The following WWOX variants were observed in gnomAD, a reference collection of about 807,000 sequenced individuals.
The protein encoded by WWOX is WW domain-containing oxidoreductase.
In WWOX, 69 loss-of-function variants were observed where a neutral mutation model predicts 46.2. The ratio of observed to expected loss-of-function variants is 1.49; its 90% CI spans 1.23 to 1.82. The LOEUF (loss-of-function observed/expected upper bound fraction) is 1.82. WWOX is among the 40% of genes most tolerant of loss of function. The pLI is 0.00. For synonymous variants in WWOX, 359 were observed against 202.6 expected, an observed-to-expected ratio of 1.77 and a Z score of -6.56; for missense variants, 919 against 542.6, an observed-to-expected ratio of 1.69 and a Z score of -6.89.
At position 78,348,273 on chromosome 16, in the gene WWOX, T is replaced by TGGAATTTGAAAGGTTAC. The variant is rs1411238952; in HGVS notation, c.517-38585_517-38569dup. On this transcript the variant is annotated intron_variant, in intron 5 of 8. Coordinates refer to ENST00000566780, the MANE Select transcript of WWOX (RefSeq NM_016373.4). ...TAAAGAGGGTTGTAAGTAGAGAAGC[T>TGGAATTTGAAAGGTTAC]GGAATTTGAAAGGTTACGTACAAGT... 7.5e-5 allele frequency among the ~76,000 whole-genome samples: 9 copies of TGGAATTTGAAAGGTTAC among 120,730 alleles called. 4 individuals are homozygous for TGGAATTTGAAAGGTTAC. The highest frequency in any genetic ancestry group is 2.4e-4 in the Admixed American group (3 of 12,416). The allele number at this position is 120,730 out of a possible 152,430, so 79.2% of individuals were successfully genotyped here.
chr16:78,316,365 G>T (rs574269363), intron 5 of WWOX, among the ~76,000 whole-genome samples: 1 of 152,070 alleles, frequency 6.6e-6, no homozygotes, highest in South Asian at 2.1e-4. Flanking sequence ...ATTTAAAAAG[G>T]GTTTTGCTCT....
intron 8 of WWOX, among the ~76,000 whole-genome samples, chr16:78,740,177 G>C (rs2049183102): frequency 6.6e-6 from 1 of 152,146 alleles, no homozygotes; most frequent in Non-Finnish European, 1.5e-5. Flanking sequence ...TTCTTAGAGA[G>C]TGAGCTCCAG....
chr16:78,557,051 TAAAA>T (rs1567642394), intron 8 of WWOX, among the ~76,000 whole-genome samples: 1 of 151,836 alleles, frequency 6.6e-6, no homozygotes, highest in African/African-American at 2.4e-5. Flanking sequence ...TGCAATAAAA[TAAAA>T]AGAAAAGGGA....
intron 8 of WWOX, among the ~76,000 whole-genome samples, chr16:79,053,377 A>C (rs373917421): frequency 2.6e-4 from 39 of 152,206 alleles, no homozygotes; most frequent in Non-Finnish European, 5.4e-4. Flanking sequence ...GTGCGCACGT[A>C]AAGAAACAAT....
intron 8 of WWOX, among the ~76,000 whole-genome samples, chr16:79,119,815 C>T (rs1020084571): frequency 1.3e-5 from 2 of 152,230 alleles, no homozygotes; most frequent in African/African-American, 4.8e-5. Context: ...ACACTAGGAT[C>T]AAGAGGCCAG....
intron 8 of WWOX, among the ~76,000 whole-genome samples, chr16:78,813,730 T>C (rs2051258733): frequency 1.3e-5 from 2 of 152,230 alleles, no homozygotes; most frequent in Non-Finnish European, 2.9e-5. Context: ...TACTGCTTTC[T>C]CTTTGTCGCC....
intron 8 of WWOX, among the ~76,000 whole-genome samples, chr16:79,078,453 GTTGAGAGGAGAGTCCC>G (rs1567534744): frequency 6.6e-6 from 1 of 152,178 alleles, no homozygotes; most frequent in Non-Finnish European, 1.5e-5. Flanking sequence ...GGTGGCTGGA[GTTGAGAGGAGAGTCCC>G]TTGAATGCCA....
At chr16:78,433,707 G>A (rs1230074440) in intron 8 of WWOX, among the ~76,000 whole-genome samples, 1 of 150,700 alleles carries the variant, frequency 6.6e-6, no homozygotes, top group African/African-American at 2.4e-5. Context: ...TCACGACCTT[G>A]GAAACTGTCT....
chr16:78,756,866 A>T (rs2049662240), intron 8 of WWOX: 1 of 701,950 alleles, frequency 1.4e-6, no homozygotes, highest in African/African-American at 1.7e-5. Flanking sequence ...CAGACATCAG[A>T]GCATGTGACT....
At chr16:78,639,322 C>T (rs1389534029) in intron 8 of WWOX, among the ~76,000 whole-genome samples, 1 of 152,152 alleles carries the variant, frequency 6.6e-6, no homozygotes, top group Non-Finnish European at 1.5e-5. Context: ...TACAAGGAGA[C>T]CGGCACCTGG....
chr16:78,501,833 G>C (rs1388515068), intron 8 of WWOX, among the ~76,000 whole-genome samples: 1 of 152,130 alleles, frequency 6.6e-6, no homozygotes, highest in Non-Finnish European at 1.5e-5. Flanking sequence ...TGAAACTAGC[G>C]ATGCCCTGGG....
At chr16:78,787,743 A>T (rs970989872) in intron 8 of WWOX, among the ~76,000 whole-genome samples, 2 of 152,168 alleles carry the variant, frequency 1.3e-5, no homozygotes, top group Non-Finnish European at 2.9e-5. Flanking sequence ...GAGCCACCAA[A>T]TTGTTTTCCA....
chr16:79,109,320 A>G (rs1219683859), intron 8 of WWOX, among the ~76,000 whole-genome samples: 1 of 152,148 alleles, frequency 6.6e-6, no homozygotes, highest in Non-Finnish European at 1.5e-5. Context: ...CTATCGAGCT[A>G]CTGTAACTTT....
At chr16:78,426,221 A>C (rs938922720) in intron 7 of WWOX, among the ~76,000 whole-genome samples, 1 of 152,200 alleles carries the variant, frequency 6.6e-6, no homozygotes, top group Non-Finnish European at 1.5e-5. Flanking sequence ...TGTGAAGGAA[A>C]GTGGAGTGGC....
chr16:78,390,836 C>T (rs1300257625), intron 6 of WWOX, among the ~76,000 whole-genome samples: 2 of 152,218 alleles, frequency 1.3e-5, no homozygotes, highest in Non-Finnish European at 2.9e-5. Context: ...CAGAACCAAT[C>T]TCTTTTCACG....
chr16:78,285,156 A>G (rs2079745705), intron 5 of WWOX, among the ~76,000 whole-genome samples: 2 of 152,166 alleles, frequency 1.3e-5, no homozygotes, highest in African/African-American at 4.8e-5. Context: ...GATTGAGGCC[A>G]GGCAAGGTGG....
intron 8 of WWOX, among the ~76,000 whole-genome samples, chr16:78,948,643 C>G (rs984906559): frequency 6.6e-6 from 1 of 152,106 alleles, no homozygotes; most frequent in South Asian, 2.1e-4. Context: ...GGTTCCCACT[C>G]GAAAAGAGGT....
rs752229046 is a variant in WWOX at position 79,188,744 on chromosome 16, T to C, written c.1057-22864T>C. On this transcript the variant is annotated intron_variant, in intron 8 of 8. Transcript: ENST00000566780. Reference sequence around the variant, plus strand: ...TCCTGCAAGCGAATTGCCACCTTTATTTCCAAGTTCTCCTCGAAATCCACA... The same window carrying C: ...TCCTGCAAGCGAATTGCCACCTTTACTTCCAAGTTCTCCTCGAAATCCACA... Among the ~76,000 whole-genome samples the C allele has an allele frequency of 9.2e-5, 14 of 152,316 alleles. No individual in the cohort carries two copies. In the Middle Eastern group the frequency reaches 0.014, roughly 148 times the overall value.
intron 8 of WWOX, among the ~76,000 whole-genome samples, chr16:78,696,611 C>G (rs1281945466): frequency 1.3e-5 from 2 of 150,918 alleles, no homozygotes; most frequent in South Asian, 2.1e-4. Context: ...TGCCTGATAA[C>G]CTTGCCCAGC....
Sources: gnomAD v4.1 joint callset for allele counts (sites outside exome capture counted in the v4.1 genomes callset) on GRCh38, gnomAD v4.1.1 for gene constraint, MANE v1.5 for transcripts, NCBI Gene and HGNC (gene_info 2026-07-23, HGNC 2026-07-21) for gene names.